The following LAMA4 variants were observed in gnomAD, a reference collection of about 807,000 sequenced individuals.
The protein encoded by LAMA4 is laminin subunit alpha 4, also known as laminin subunit alpha-4.
LAMA4 carries 127 observed loss-of-function variants against 207.1 expected under a neutral mutation model. The observed-to-expected ratio is 0.61, with a 90% confidence interval of 0.53 to 0.71. The LOEUF (loss-of-function observed/expected upper bound fraction) is 0.71. Among genes scored for constraint, LAMA4 ranks in the 30% least tolerant of loss-of-function variants. The pLI is 0.00. For missense variants in LAMA4, 2,093 were observed against 2,246.5 expected (o/e 0.93, Z 1.38); for synonymous variants, 761 against 816.0 (o/e 0.93, Z 1.15).
chr6:112,142,406 G>A, intron 19 of LAMA4, 114 bp from the exon 20 acceptor site: 5 of 925,710 alleles, frequency 5.4e-6, no homozygotes, highest in Non-Finnish European at 8.9e-6. Flanking sequence ...CTCCATACCT[G>A]TAGTTATTTA....
intron 13 of LAMA4, among the ~76,000 whole-genome samples, chr6:112,163,437 T>C (rs940065760): frequency 1.3e-5 from 2 of 152,038 alleles, no homozygotes; most frequent in South Asian, 4.1e-4. Flanking sequence ...GAGGCGAGGC[T>C]AGCAAAGGGG....
At chr6:112,114,317 C>T (rs1318645342) in intron 37 of LAMA4, 122 bp from the exon 38 acceptor site, 2 of 969,374 alleles carry the variant, frequency 2.1e-6, no homozygotes, top group Non-Finnish European at 3.2e-6. Flanking sequence ...ACACTTTCTT[C>T]TATATTATTA....
At chr6:112,239,982 G>T (rs547959080) in intron 2 of LAMA4, among the ~76,000 whole-genome samples, 17 of 152,042 alleles carry the variant, frequency 1.1e-4, no homozygotes, top group Non-Finnish European at 2.4e-4. Flanking sequence ...CGTGAACCCG[G>T]GAGGCGGAGC....
intron 10 of LAMA4, among the ~76,000 whole-genome samples, chr6:112,176,110 C>CA (rs1378377525): frequency 1.3e-5 from 2 of 152,124 alleles, no homozygotes; most frequent in Non-Finnish European, 2.9e-5. Context: ...TATTTTTTGG[C>CA]AGTTGCTGTT....
chr6:112,144,663 A>G, intron 19 of LAMA4, 131 bp downstream of exon 19: 2 of 1,076,568 alleles, frequency 1.9e-6, no homozygotes, highest in East Asian at 2.4e-5. Context: ...TAATTAGCAA[A>G]TGGGGCTGAG....
chr6:112,242,754 C>A (rs1479715735), intron 2 of LAMA4, among the ~76,000 whole-genome samples: 1 of 152,224 alleles, frequency 6.6e-6, no homozygotes, highest in African/African-American at 2.4e-5. Flanking sequence ...GTTCCTTGAA[C>A]ATATTTGCTT....
chr6:112,134,481 T>A lies in LAMA4; in HGVS notation c.3543A>T (p.Glu1181Asp). Residue 1181 changes from glutamate (E) to aspartate (D), a missense_variant, in exon 26 of 39, where the codon GAA (glutamate) becomes GAT (aspartate). This residue lies in a region of LAMA4 where 1,704 missense variants were observed against 1,788.4 expected (regional missense o/e 0.95). Transcript: ENST00000230538. ...AAAAGCCTTACCTGGATTGTAAGAT[T>A]TCTGGAGGAGCTCCTCCAATGTATA... ...TDIYIGGAPPEILQSRALRAH... is the reference protein window; with the variant it reads ...TDIYIGGAPPDILQSRALRAH... 4 of 1,613,520 alleles carry A rather than the reference T, an allele frequency of 2.5e-6. No individual in the cohort carries two copies. The Middle Eastern group carries it at 5.0e-4, about 200-fold the overall frequency.
chr6:112,137,269 A>G (rs1554331862), intron 24 of LAMA4, among the ~76,000 whole-genome samples: 1 of 152,212 alleles, frequency 6.6e-6, no homozygotes, highest in African/African-American at 2.4e-5. Context: ...ATAGGAAGTG[A>G]TCTCCTGAGT....
chr6:112,119,359 T>C, intron 33 of LAMA4, 48 bp from the exon 34 acceptor site: 1 of 1,594,800 alleles, frequency 6.3e-7, no homozygotes, highest in Non-Finnish European at 8.6e-7. Context: ...ATTCCAAGAT[T>C]GCAGAAAAGG....
chr6:112,247,843 T>C (rs1276734362), intron 2 of LAMA4, among the ~76,000 whole-genome samples: 2 of 152,144 alleles, frequency 1.3e-5, no homozygotes, highest in African/African-American at 4.8e-5. Flanking sequence ...GACCCAAATG[T>C]CCATCAACAA....
chr6:112,199,621 C>T (rs1185498856), intron 5 of LAMA4, among the ~76,000 whole-genome samples: 2 of 152,142 alleles, frequency 1.3e-5, no homozygotes, highest in Non-Finnish European at 2.9e-5. Flanking sequence ...ACCCTAAGCT[C>T]GCTTTCCCTC....
intron 2 of LAMA4, among the ~76,000 whole-genome samples, chr6:112,235,303 C>T (rs531828908): frequency 9.2e-5 from 14 of 152,248 alleles, no homozygotes; most frequent in Admixed American, 2.6e-4. Context: ...CAGATTTTCT[C>T]GAGAAACAGG....
At chr6:112,253,461 T>G (rs536825318) in intron 2 of LAMA4, 48 of 373,528 alleles carry the variant, frequency 1.3e-4, no homozygotes, top group African/African-American at 6.4e-4. Context: ...GCTCCTTTCA[T>G]GACCAGCCAC....
chr6:112,115,917 G>A lies in LAMA4; in HGVS notation c.5058C>T (p.Val1686=), dbSNP rs1488824654. The A allele has an allele frequency of 2.5e-6, 4 of 1,613,414 alleles. No homozygotes were observed. Among genetic ancestry groups the A allele is most frequent in the Admixed American group, 1.7e-5 (1 of 59,988 alleles). Residue 1686 remains valine (V), a synonymous_variant, in exon 36 of 39, where the codon GTC becomes GTT. Coordinates refer to ENST00000230538, the MANE Select transcript of LAMA4 (RefSeq NM_001105206.3). The part of the protein sequence containing the change: ...VRPRSSSGTL[V]HGHSVNGEYL... ...ACTCCCCATTGACACTGTGGCCGTG[G>A]ACCAGGGTTCCGGAACTGCTTCTGG...
chr6:112,132,835 A>C lies in LAMA4; in HGVS notation c.3752T>G (p.Ile1251Arg). ...GQSFIASIQK[I>R]SFFDGFEGGF... ...TCCTTCAAAGCCATCAAAGAAAGAT[A>C]TTTTCTGAATTGAAGCAATGAAGCT... The change falls in exon 28 of 39, where the codon ATA becomes AGA. Residue 1251 changes from isoleucine (I) to arginine (R), a missense_variant. This residue lies in a region of LAMA4 where 1,704 missense variants were observed against 1,788.4 expected (regional missense o/e 0.95). Transcript: ENST00000230538. 1 of 1,612,616 alleles carries C rather than the reference A, an allele frequency of 6.2e-7. No individual in the cohort carries two copies. The highest frequency in any genetic ancestry group is 8.5e-7 in the Non-Finnish European group (1 of 1,178,794).
intron 31 of LAMA4, among the ~76,000 whole-genome samples, chr6:112,127,800 C>T (rs1219815861): frequency 6.6e-6 from 1 of 152,154 alleles, no homozygotes; most frequent in Non-Finnish European, 1.5e-5. Context: ...GGAACACTGA[C>T]ACCTGAGCAC....
In LAMA4 at chr6:112,117,106, G is replaced by A. The variant is rs1778064884; in HGVS notation, c.4981+633C>T. On this transcript the variant is annotated intron_variant, in intron 35 of 38. Transcript: ENST00000230538. The surrounding 1 kb of genome is among the most constrained non-coding windows in gnomAD (Gnocchi z 4.5). ...TATCCTAATTCCGGGCACTTATTCTGGTGTCTTCCTCACACCCAGCGATTG... is the reference window on the plus strand; with the variant it reads ...TATCCTAATTCCGGGCACTTATTCTAGTGTCTTCCTCACACCCAGCGATTG... Among the ~76,000 whole-genome samples, 1 of 152,110 alleles carries A rather than the reference G, an allele frequency of 6.6e-6. No homozygotes were observed.
At chr6:112,141,034 A>T (rs1245958820) in intron 21 of LAMA4, 112 bp from the exon 22 acceptor site, 1 of 905,230 alleles carries the variant, frequency 1.1e-6, no homozygotes, top group Non-Finnish European at 1.8e-6. Flanking sequence ...TGTGACACTA[A>T]TAAGCATTTA....
intron 19 of LAMA4, among the ~76,000 whole-genome samples, chr6:112,142,679 T>C (rs1356712537): frequency 1.3e-5 from 2 of 152,196 alleles, no homozygotes; most frequent in East Asian, 1.9e-4. Context: ...TTTTGGTTAC[T>C]AATACAGCTG....
Sources: gnomAD v4.1 joint callset for allele counts (sites outside exome capture counted in the v4.1 genomes callset) on GRCh38, gnomAD v4.1.1 for gene constraint, gnomAD v4.1.1 regional missense constraint, Gnocchi (gnomAD v3.1) non-coding constraint, MANE v1.5 for transcripts, NCBI Gene and HGNC (gene_info 2026-07-23, HGNC 2026-07-21) for gene names.